YLPM1: variants seen among roughly 807,000 people sequenced by gnomAD.
The protein encoded by YLPM1 is YLP motif-containing protein 1.
YLPM1 carries 99 observed loss-of-function variants against 230.0 expected under a neutral mutation model. The ratio of observed to expected loss-of-function variants is 0.43; its 90% CI spans 0.37 to 0.51. The LOEUF is 0.51. YLPM1 is among the 20% of genes least tolerant of loss of function. YLPM1 has a pLI of 0.00. For synonymous variants in YLPM1, 984 were observed against 942.5 expected (o/e 1.04, Z -0.81); for missense variants, 2,592 against 2,707.7 (o/e 0.96, Z 0.95).
intron 10 of YLPM1, 40 bp downstream of exon 10, chr14:74,811,778 G>A (rs1312090387): frequency 7.4e-7 from 1 of 1,359,602 alleles, no homozygotes; most frequent in Non-Finnish European, 1.0e-6. Flanking sequence ...TGTTGAGAAT[G>A]TAAAGCATGG....
At position 74,763,741 on chromosome 14, in the gene YLPM1, C is replaced by G. The variant is rs774184639; in HGVS notation, c.252C>G (p.Pro84=). ...TTCAGCCCCACCACCTTCCTCCGCC[C>G]CCTCTGCCGCCCCCGCCAGTGATGC... The part of the protein sequence containing the change: ...CVLQPHHLPP[P]PLPPPPVMPG... The change falls in exon 1 of 21, where the codon CCC becomes CCG. Residue 84 remains proline, a synonymous_variant. Transcript: ENST00000325680. 6.6e-7 allele frequency: 1 copy of G among 1,511,574 alleles called. No homozygotes were observed. Among genetic ancestry groups the G allele is most frequent in the Non-Finnish European group, 8.8e-7 (1 of 1,130,382 alleles). The allele number at this position is 1,511,574 out of a possible 1,614,324, so 93.6% of individuals were successfully genotyped here. A position where few individuals can be genotyped will look rare whatever the true frequency, so the allele number is the denominator to read the frequency against.
At position 74,798,327 on chromosome 14, in the gene YLPM1, A is replaced by C. The variant is rs370610007; in HGVS notation, c.3030A>C (p.Leu1010Phe). 2.8e-5 allele frequency: 45 copies of C among 1,613,902 alleles called. No homozygotes were observed. The highest frequency in any genetic ancestry group is 3.6e-5 in the Non-Finnish European group (43 of 1,179,900). ...LPRPDNRDNRLEGNRGNSSSY... is the reference protein window; with the variant it reads ...LPRPDNRDNRFEGNRGNSSSY... ...GGCCAGATAATAGAGATAATAGATTAGAAGGCAATAGAGGCAACAGCTCAT... is the reference window on the plus strand; with the variant it reads ...GGCCAGATAATAGAGATAATAGATTCGAAGGCAATAGAGGCAACAGCTCAT... The change falls in exon 5 of 21, where the codon TTA becomes TTC. Residue 1010 changes from leucine to phenylalanine, a missense_variant. By Grantham distance (22) the Leu-to-Phe change is conservative (BLOSUM62 0). Around this residue, in one of 4 missense-constraint regions of YLPM1, gnomAD observed 1,862 missense variants for 1,819.8 expected, o/e 1.02. Coordinates refer to ENST00000325680, the MANE Select transcript of YLPM1 (RefSeq NM_019589.3).
At chr14:74,831,391 A>G (rs1278175029) in intron 19 of YLPM1, among the ~76,000 whole-genome samples, 1 of 152,226 alleles carries the variant, frequency 6.6e-6, no homozygotes, top group Non-Finnish European at 1.5e-5. Flanking sequence ...GACTGCTTAT[A>G]GTGATACCTC....
intron 6 of YLPM1, 105 bp from the exon 7 acceptor site, chr14:74,809,275 G>T (rs147435150): frequency 1.4e-6 from 2 of 1,445,742 alleles, no homozygotes; most frequent in South Asian, 1.5e-5. Context: ...TGAGTCCAAG[G>T]TGTTAACTTT....
rs761333956 is a variant in YLPM1 at position 74,810,211 on chromosome 14, A to G, written c.5033-14A>G. ...AAAAGGGATATAGTTATTTTGTACT[A>G]ATTGTTTTTGTAGAGCATGCAGGCC... is the stretch of plus-strand genomic sequence containing the variant. On this transcript the variant is annotated splice_polypyrimidine_tract_variant and intron_variant, in intron 8 of 20. Coordinates refer to ENST00000325680, the MANE Select transcript of YLPM1 (RefSeq NM_019589.3). 13 of 1,610,850 alleles carry G rather than the reference A, an allele frequency of 8.1e-6. No homozygotes were observed. The highest frequency in any genetic ancestry group is 1.7e-5 in the Admixed American group (1 of 59,684).
intron 4 of YLPM1, among the ~76,000 whole-genome samples, chr14:74,782,998 AT>A (rs1416697808): frequency 1.3e-5 from 2 of 152,090 alleles, no homozygotes; most frequent in African/African-American, 4.8e-5. Context: ...TGTTAAATTC[AT>A]TTTTTCCAAG....
Position 74,798,114 on chromosome 14 carries a change from A to G in YLPM1, c.2817A>G (p.Gln939=). Residue 939 remains glutamine, a synonymous_variant, in exon 5 of 21, where the codon CAA becomes CAG. Transcript: ENST00000325680. Reference sequence around the variant, plus strand: ...TGGAGACTCAAATCGACAAAGCCCAAGCTGTTACTCAGCCTGTACCCCTTG... The same window carrying G: ...TGGAGACTCAAATCGACAAAGCCCAGGCTGTTACTCAGCCTGTACCCCTTG... ...QSMETQIDKA[Q]AVTQPVPLAN... 6.2e-7 allele frequency: 1 copy of G among 1,613,972 alleles called. No homozygotes were observed. The highest frequency in any genetic ancestry group is 2.2e-5 in the East Asian group (1 of 44,880).
At chr14:74,832,940 TTAAC>T (rs1305549171) in intron 19 of YLPM1, among the ~76,000 whole-genome samples, 2 of 148,270 alleles carry the variant, frequency 1.3e-5, no homozygotes, top group Non-Finnish European at 2.9e-5. Flanking sequence ...ATCAGTATAT[TTAAC>T]TATGTGCTGA....
chr14:74,819,206 T>A (rs1202147792), intron 16 of YLPM1, among the ~76,000 whole-genome samples: 1 of 152,108 alleles, frequency 6.6e-6, no homozygotes, highest in East Asian at 1.9e-4. Context: ...AGGAAAAATT[T>A]TCTATTTTTT....
chr14:74,806,818 A>T (rs552315909), intron 6 of YLPM1, among the ~76,000 whole-genome samples: 183 of 149,974 alleles, frequency 1.2e-3, no homozygotes, highest in African/African-American at 4.2e-3. Context: ...TTTTTTTTTT[A>T]AATTAACTCA....
chr14:74,778,419 A>C (rs373561129), intron 1 of YLPM1, 28 bp from the exon 2 acceptor site: 15 of 1,557,828 alleles, frequency 9.6e-6, no homozygotes, highest in Non-Finnish European at 1.1e-5. Flanking sequence ...TTGTCAATCA[A>C]AATTCTCAAA....
chr14:74,766,809 C>T (rs946379055), intron 1 of YLPM1, among the ~76,000 whole-genome samples: 8 of 150,992 alleles, frequency 5.3e-5, no homozygotes, highest in African/African-American at 1.7e-4. Flanking sequence ...AATCTTAGAT[C>T]TTATGTCATT....
intron 4 of YLPM1, among the ~76,000 whole-genome samples, chr14:74,788,872 G>GTAT (rs1332487598): frequency 6.6e-6 from 1 of 152,038 alleles, no homozygotes. Context: ...AAGGCTACAA[G>GTAT]TATTATTATT....
At chr14:74,832,695 A>G (rs2091616316) in intron 19 of YLPM1, among the ~76,000 whole-genome samples, 1 of 151,156 alleles carries the variant, frequency 6.6e-6, no homozygotes, top group East Asian at 1.9e-4. Context: ...CTGGTCTCAA[A>G]CTCCTGACCT....
In YLPM1 at chr14:74,811,751, C is replaced by G. The variant is rs780066892; in HGVS notation, c.5347+13C>G. ...TCCATGTTTGGAGGTAGAGTGATGCCTTATTAACTACAAGGATGTTGAGAA... is the reference window on the plus strand; with the variant it reads ...TCCATGTTTGGAGGTAGAGTGATGCGTTATTAACTACAAGGATGTTGAGAA... On this transcript the variant is annotated intron_variant, in intron 10 of 20. Coordinates refer to ENST00000325680, the MANE Select transcript of YLPM1 (RefSeq NM_019589.3). 6.6e-7 allele frequency: 1 copy of G among 1,517,206 alleles called. No homozygotes were observed. The highest frequency in any genetic ancestry group is 9.0e-7 in the Non-Finnish European group (1 of 1,115,958). 94.0% of individuals were successfully genotyped at this position (1,517,206 alleles called of 1,614,324 possible).
chr14:74,827,334 C>T, intron 18 of YLPM1: 4 of 985,362 alleles, frequency 4.1e-6, no homozygotes, highest in Non-Finnish European at 4.8e-6. Flanking sequence ...TTTCTTTCCC[C>T]TCACCTTATG....
At chr14:74,812,071 T>C (rs969028321) in intron 10 of YLPM1, among the ~76,000 whole-genome samples, 2 of 152,250 alleles carry the variant, frequency 1.3e-5, no homozygotes, top group Non-Finnish European at 2.9e-5. Context: ...GTGATTGTTC[T>C]GATTGATATT....
intron 18 of YLPM1, among the ~76,000 whole-genome samples, chr14:74,824,726 T>G (rs2091549440): frequency 6.6e-6 from 1 of 152,070 alleles, no homozygotes. Flanking sequence ...AAGGCATTTA[T>G]TCTCCTTGTA....
At position 74,795,688 on chromosome 14, in the gene YLPM1, T is replaced by C. The variant is rs529358341; in HGVS notation, c.2283-1892T>C. On this transcript the variant is annotated intron_variant, in intron 4 of 20. Transcript: ENST00000325680. ...ATTGTAAAGATGATCTTTAAACTTTTTGTCTCTGTCCACTATTTTTCTGCT... is the reference window on the plus strand; with the variant it reads ...ATTGTAAAGATGATCTTTAAACTTTCTGTCTCTGTCCACTATTTTTCTGCT... 2.6e-5 allele frequency among the ~76,000 whole-genome samples: 4 copies of C among 152,346 alleles called. No individual in the cohort carries two copies. In the East Asian group the frequency reaches 5.8e-4, roughly 22 times the overall value.
Sources: gnomAD v4.1 joint callset for allele counts (sites outside exome capture counted in the v4.1 genomes callset) on GRCh38, gnomAD v4.1.1 for gene constraint, gnomAD v4.1.1 regional missense constraint, MANE v1.5 for transcripts, NCBI Gene and HGNC (gene_info 2026-07-23, HGNC 2026-07-21) for gene names.